The following RYR2 variants were observed in gnomAD, a reference collection of about 807,000 sequenced individuals.
RYR2 encodes the protein ryanodine receptor 2.
A neutral mutation model predicts 601.1 loss-of-function variants in RYR2; 227 were observed. That is an observed-to-expected ratio of 0.38 (90% CI 0.34 to 0.42). RYR2 has a LOEUF of 0.42. RYR2 is among the 10% of genes least tolerant of loss of function. The pLI is 1.00. For synonymous variants in RYR2, 2,223 were observed against 2,175.1 expected, an observed-to-expected ratio of 1.02 and a Z score of -0.61; for missense variants, 4,646 against 6,156.5, an observed-to-expected ratio of 0.75 and a Z score of 8.21.
intron 24 of RYR2, among the ~76,000 whole-genome samples, chr1:237,513,524 T>C (rs915446435): frequency 6.6e-5 from 10 of 152,198 alleles, no homozygotes; most frequent in African/African-American, 2.4e-4. Flanking sequence ...TAACAGTGTT[T>C]GACTCAATGA....
At chr1:237,266,694 CA>C (rs1689094301) in intron 1 of RYR2, among the ~76,000 whole-genome samples, 1 of 152,184 alleles carries the variant, frequency 6.6e-6, no homozygotes, top group Non-Finnish European at 1.5e-5. Flanking sequence ...GGCAAACTGG[CA>C]AAAGCTTTGA....
chr1:237,684,240 T>C (rs943657116), intron 62 of RYR2, among the ~76,000 whole-genome samples: 3 of 152,036 alleles, frequency 2.0e-5, no homozygotes, highest in Non-Finnish European at 4.4e-5. Context: ...CCGGCCTCGT[T>C]CAGATATTTC....
At position 237,626,739 on chromosome 1, in the gene RYR2, A is replaced by G. The variant is rs191855692; in HGVS notation, c.6166+935A>G. ...CAGGCATGCACCAAGACGCCTGATT[A>G]GTTTTTATATTTTTAGTAGAGACTG... On this transcript the variant is annotated intron_variant, in intron 40 of 104. Coordinates refer to ENST00000366574, the MANE Select transcript of RYR2 (RefSeq NM_001035.3). 2.8e-3 allele frequency among the ~76,000 whole-genome samples: 428 copies of G among 151,392 alleles called. 1 individual carries two copies. The highest frequency in any genetic ancestry group is 5.0e-3 in the Non-Finnish European group (341 of 67,854).
intron 17 of RYR2, among the ~76,000 whole-genome samples, chr1:237,485,755 ATTG>A (rs1662611285): frequency 6.6e-6 from 1 of 152,168 alleles, no homozygotes; most frequent in Admixed American, 6.5e-5. Flanking sequence ...ATACATATTA[ATTG>A]TTGTTTGTGG....
Position 237,454,523 on chromosome 1 carries a change from A to G in RYR2, c.1425A>G (p.Lys475=). The part of the protein sequence containing the change: ...PPDEHLEHED[K]QNRLRALKNR... Reference sequence around the variant, plus strand: ...ATGAGCATTTAGAGCATGAAGACAAACAGAACAGACTACGAGCCCTGAAGA... The same window carrying G: ...ATGAGCATTTAGAGCATGAAGACAAGCAGAACAGACTACGAGCCCTGAAGA... The change falls in exon 15 of 105, where the codon AAA becomes AAG. Residue 475 remains lysine, a synonymous_variant. Transcript: ENST00000366574. 6.2e-7 allele frequency: 1 copy of G among 1,613,482 alleles called. No homozygotes were observed. The highest frequency in any genetic ancestry group is 8.5e-7 in the Non-Finnish European group (1 of 1,179,636).
chr1:237,225,360 G>T (rs999177413), intron 1 of RYR2, among the ~76,000 whole-genome samples: 1 of 152,108 alleles, frequency 6.6e-6, no homozygotes, highest in East Asian at 1.9e-4. Context: ...AAGAAAAGGA[G>T]GTTTAATGGA....
intron 33 of RYR2, among the ~76,000 whole-genome samples, chr1:237,594,913 T>TTTTG (rs1675701695): frequency 2.7e-5 from 2 of 74,666 alleles, no homozygotes; most frequent in African/African-American, 7.2e-5. Flanking sequence ...TTTTTTTTTT[T>TTTTG]TTTTTTTTTT....
chr1:237,457,662 A>G (rs537403680), intron 16 of RYR2, among the ~76,000 whole-genome samples: 2 of 152,294 alleles, frequency 1.3e-5, no homozygotes, highest in East Asian at 3.9e-4. Flanking sequence ...CTGGACAGAA[A>G]GCCTGCCTGG....
At chr1:237,309,648 CG>C (rs1453390212) in intron 2 of RYR2, among the ~76,000 whole-genome samples, 1 of 152,220 alleles carries the variant, frequency 6.6e-6, no homozygotes, top group African/African-American at 2.4e-5. Flanking sequence ...AGCCCTTGGG[CG>C]GTCGATGGGA....
chr1:237,281,942 C>T (rs1690920412), intron 2 of RYR2, among the ~76,000 whole-genome samples: 1 of 152,154 alleles, frequency 6.6e-6, no homozygotes. Flanking sequence ...GGAGTATATA[C>T]TGCAGAGGGC....
rs1294591565 is a variant in RYR2, at chr1:237,784,826, G to A, written c.13114G>A (p.Glu4372Lys). ...DLTDLKELTE[E>K]SDLLSDIFGL... ...GACCGACTTAAAGGAGCTGACAGAG[G>A]AAAGTGACCTTCTTTCGGACATCTT... Residue 4372 changes from glutamate to lysine, a missense_variant, in exon 90 of 105, where the codon GAA becomes AAA. Coordinates refer to ENST00000366574, the MANE Select transcript of RYR2 (RefSeq NM_001035.3). The surrounding 1 kb of genome is among the most constrained non-coding windows in gnomAD (Gnocchi z 7.1). The A allele has an allele frequency of 6.2e-7, 1 of 1,613,768 alleles. No homozygotes were observed. Among genetic ancestry groups the A allele is most frequent in the Admixed American group, 1.7e-5 (1 of 60,016 alleles).
chr1:237,237,471 T>C (rs1249123704), intron 1 of RYR2, among the ~76,000 whole-genome samples: 2 of 152,174 alleles, frequency 1.3e-5, no homozygotes, highest in African/African-American at 4.8e-5. Context: ...ATTGGACATG[T>C]TCCGTTACAC....
chr1:237,545,754 A>T (rs1474692271), intron 25 of RYR2, among the ~76,000 whole-genome samples: 1 of 105,966 alleles, frequency 9.4e-6, no homozygotes, highest in Non-Finnish European at 1.9e-5. Context: ...CTTGAAAAAT[A>T]AAAAAAAAAA....
At chr1:237,248,921 C>A (rs1455169896) in intron 1 of RYR2, among the ~76,000 whole-genome samples, 1 of 152,054 alleles carries the variant, frequency 6.6e-6, no homozygotes, top group African/African-American at 2.4e-5. Context: ...GCCACCACGT[C>A]CGGCTAATGT....
At chr1:237,255,485 T>C in intron 1 of RYR2, among the ~76,000 whole-genome samples, 1 of 152,174 alleles carries the variant, frequency 6.6e-6, no homozygotes. Flanking sequence ...CCTTACTTAG[T>C]TTAGGGGATT....
chr1:237,508,814 C>T (rs1376981948), intron 23 of RYR2, among the ~76,000 whole-genome samples: 2 of 139,116 alleles, frequency 1.4e-5, no homozygotes, highest in Non-Finnish European at 3.0e-5. Flanking sequence ...GGGATCTCGG[C>T]TCACTGCAAG....
intron 60 of RYR2, 127 bp downstream of exon 60, chr1:237,674,973 C>CTACTAA: frequency 2.1e-6 from 1 of 482,230 alleles, no homozygotes; most frequent in East Asian, 3.1e-5. Context: ...ATTCATCCTA[C>CTACTAA]TACTAAGTAG....
At chr1:237,126,869 GA>G (rs1671492542) in intron 1 of RYR2, among the ~76,000 whole-genome samples, 1 of 151,596 alleles carries the variant, frequency 6.6e-6, no homozygotes, top group Non-Finnish European at 1.5e-5. Flanking sequence ...ATAGTGGAGG[GA>G]AGGTCAGCAG....
intron 6 of RYR2, 149 bp downstream of exon 6, chr1:237,369,757 T>C (rs1170223705): frequency 1.5e-6 from 1 of 656,268 alleles, no homozygotes; most frequent in Non-Finnish European, 2.6e-6. Flanking sequence ...CTTGTTAGTT[T>C]CTCATGTAAA....
Sources: allele counts gnomAD v4.1 joint callset (sites outside exome capture counted in the v4.1 genomes callset), GRCh38; gene constraint gnomAD v4.1.1; non-coding constraint Gnocchi (gnomAD v3.1); transcripts MANE v1.5; gene names NCBI Gene and HGNC (gene_info 2026-07-23, HGNC 2026-07-21).